The following PCDH15 variants were observed in gnomAD, a reference collection of about 807,000 sequenced individuals.
PCDH15 encodes the protein protocadherin related 15.
A neutral mutation model predicts 178.5 loss-of-function variants in PCDH15; 129 were observed. The observed-to-expected ratio is 0.72, with a 90% CI of 0.63 to 0.84. The LOEUF (loss-of-function observed/expected upper bound fraction) is 0.84. PCDH15 is among the 40% of genes least tolerant of loss of function. The pLI, the probability that PCDH15 is intolerant of heterozygous loss-of-function variation, is 0.00. For missense variants in PCDH15, 2,230 were observed against 2,099.9 expected, an observed-to-expected ratio of 1.06 and a Z score of -1.21; for synonymous variants, 800 against 732.0, an observed-to-expected ratio of 1.09 and a Z score of -1.50.
intron 27 of PCDH15, among the ~76,000 whole-genome samples, chr10:53,858,412 T>G (rs2078894557): frequency 6.6e-6 from 1 of 152,026 alleles, no homozygotes; most frequent in Admixed American, 6.6e-5. Flanking sequence ...TAGAAAGAAG[T>G]GTAAGTAACA....
chr10:54,714,736 T>C (rs1276819828), intron 1 of PCDH15, among the ~76,000 whole-genome samples: 1 of 152,144 alleles, frequency 6.6e-6, no homozygotes, highest in Admixed American at 6.6e-5. Context: ...AGACCATCCA[T>C]TTGATATATT....
intron 1 of PCDH15, among the ~76,000 whole-genome samples, chr10:55,246,685 G>A (rs1265477732): frequency 6.6e-6 from 1 of 152,100 alleles, no homozygotes; most frequent in African/African-American, 2.4e-5. Context: ...ATGTGTATCA[G>A]GTGTCTTATT....
chr10:53,884,032 C>A (rs941308013), intron 26 of PCDH15, among the ~76,000 whole-genome samples: 3 of 142,492 alleles, frequency 2.1e-5, no homozygotes, highest in African/African-American at 5.2e-5. Flanking sequence ...TGTAAAAAAA[C>A]AAAACAAAAC....
chr10:54,373,919 A>C (rs1219568039), intron 4 of PCDH15, among the ~76,000 whole-genome samples: 1 of 152,080 alleles, frequency 6.6e-6, no homozygotes, highest in Non-Finnish European at 1.5e-5. Flanking sequence ...AGGTATGGTA[A>C]GAAAAAATTG....
intron 2 of PCDH15, among the ~76,000 whole-genome samples, chr10:55,611,802 T>A (rs1223765430): frequency 6.6e-6 from 1 of 152,014 alleles, no homozygotes; most frequent in African/African-American, 2.4e-5. Flanking sequence ...ATATACATAT[T>A]TATAGTGTAT....
intron 2 of PCDH15, among the ~76,000 whole-genome samples, chr10:55,120,947 C>T (rs1837751647): frequency 6.6e-6 from 1 of 152,122 alleles, no homozygotes; most frequent in Non-Finnish European, 1.5e-5. Flanking sequence ...AGGCAAAGAA[C>T]CATCACAGTG....
intron 3 of PCDH15, among the ~76,000 whole-genome samples, chr10:54,487,471 C>T (rs1157089356): frequency 6.6e-6 from 1 of 152,044 alleles, no homozygotes; most frequent in Admixed American, 6.6e-5. Flanking sequence ...AGCAAAATTA[C>T]ACTGTTGTCA....
chr10:54,085,410 A>G (rs908680261), intron 16 of PCDH15, among the ~76,000 whole-genome samples: 3 of 152,174 alleles, frequency 2.0e-5, no homozygotes, highest in African/African-American at 7.2e-5. Flanking sequence ...TAAATATTTG[A>G]GAGATGGCAT....
At chr10:55,380,627 A>G (rs897780063) in intron 2 of PCDH15, among the ~76,000 whole-genome samples, 1 of 152,172 alleles carries the variant, frequency 6.6e-6, no homozygotes, top group Non-Finnish European at 1.5e-5. Context: ...GACCTGTCAT[A>G]CAATCCCACT....
chr10:55,422,778 G>A (rs1473301251), intron 2 of PCDH15, among the ~76,000 whole-genome samples: 1 of 151,786 alleles, frequency 6.6e-6, no homozygotes, highest in African/African-American at 2.4e-5. Flanking sequence ...ACAGAGAATT[G>A]AATTCAGCAT....
chr10:55,114,875 C>A (rs984662891), intron 2 of PCDH15, among the ~76,000 whole-genome samples: 1 of 152,084 alleles, frequency 6.6e-6, no homozygotes. Context: ...TCTGTCATTG[C>A]AATTTATTAT....
At chr10:54,642,879 G>A (rs183333594) in intron 2 of PCDH15, among the ~76,000 whole-genome samples, 110 of 152,242 alleles carry the variant, frequency 7.2e-4, no homozygotes, top group Middle Eastern at 3.4e-3. Context: ...ATAAACGTCT[G>A]TTGTAACTCT....
intron 9 of PCDH15, among the ~76,000 whole-genome samples, chr10:54,231,041 A>G (rs1798698373): frequency 6.6e-6 from 1 of 152,216 alleles, no homozygotes; most frequent in Admixed American, 6.5e-5. Flanking sequence ...ACTTGATAAC[A>G]CAATTAGAAG....
At chr10:55,279,303 T>C (rs187496620) in intron 1 of PCDH15, among the ~76,000 whole-genome samples, 37 of 152,296 alleles carry the variant, frequency 2.4e-4, no homozygotes, top group Non-Finnish European at 4.7e-4. Flanking sequence ...GTAGTAGATG[T>C]GCGTGGAAAT....
chr10:53,893,115 AC>A (rs1196651959), intron 26 of PCDH15, among the ~76,000 whole-genome samples: 2 of 152,200 alleles, frequency 1.3e-5, no homozygotes, highest in Admixed American at 6.5e-5. Context: ...GTGGAAAAAA[AC>A]AAAAGGAAAA....
chr10:53,851,395 T>C (rs569181051), intron 28 of PCDH15, among the ~76,000 whole-genome samples: 3 of 151,724 alleles, frequency 2.0e-5, no homozygotes. Flanking sequence ...ACTGATAATC[T>C]CCAGTGCTTA....
At position 54,551,491 on chromosome 10, in the gene PCDH15, A is replaced by G. The variant is rs1419694162; in HGVS notation, c.92-23614T>C. 3.9e-5 allele frequency among the ~76,000 whole-genome samples: 6 copies of G among 152,154 alleles called. No homozygotes were observed. In the East Asian group the frequency reaches 9.6e-4, roughly 24 times the overall value. Reference sequence around the variant, plus strand: ...AATAAACTTACCCAAATGGAAGATGACCTAAAAGAATAATTTTTGGGCAAA... The same window carrying G: ...AATAAACTTACCCAAATGGAAGATGGCCTAAAAGAATAATTTTTGGGCAAA... On this transcript the variant is annotated intron_variant, in intron 2 of 37. Transcript: ENST00000644397.
At chr10:55,346,409 G>T (rs1288123916) in intron 2 of PCDH15, among the ~76,000 whole-genome samples, 1 of 152,078 alleles carries the variant, frequency 6.6e-6, no homozygotes, top group African/African-American at 2.4e-5. Context: ...AATTGATCTT[G>T]ATTTTCTTTG....
At chr10:54,227,534 T>C (rs2053582290) in intron 9 of PCDH15, among the ~76,000 whole-genome samples, 1 of 152,336 alleles carries the variant, frequency 6.6e-6, no homozygotes, top group Non-Finnish European at 1.5e-5. Context: ...GGGGCTGTCA[T>C]GAAGACCTCT....
Sources: gnomAD v4.1 joint callset for allele counts (sites outside exome capture counted in the v4.1 genomes callset) on GRCh38, gnomAD v4.1.1 for gene constraint, MANE v1.5 for transcripts, NCBI Gene and HGNC (gene_info 2026-07-23, HGNC 2026-07-21) for gene names.